Variants in HS1BP3 observed in about 807,000 individuals in gnomAD.
HS1BP3 encodes HCLS1 binding protein 3, also known as HCLS1-binding protein 3.
In HS1BP3, 32 loss-of-function variants were observed where a neutral mutation model predicts 33.5. That is an observed-to-expected ratio of 0.95 (90% CI 0.72 to 1.28). The LOEUF (loss-of-function observed/expected upper bound fraction) is 1.28. Ranked by LOEUF, HS1BP3 falls within the 50% of genes most tolerant of loss-of-function variation. The probability of loss-of-function intolerance (pLI) is 0.00; values close to 1 mark genes in which losing one functional copy is unlikely to be tolerated. For missense variants in HS1BP3, 486 were observed against 502.3 expected, an observed-to-expected ratio of 0.97 and a Z score of 0.31; for synonymous variants, 187 against 209.2, an observed-to-expected ratio of 0.89 and a Z score of 0.92.
chr2:20,604,915 C>A (rs1694142237), intron 2 of HS1BP3, among the ~76,000 whole-genome samples: 1 of 152,196 alleles, frequency 6.6e-6, no homozygotes, highest in South Asian at 2.1e-4. Context: ...TCCCTAAACA[C>A]CAGATTCTCT....
intron 3 of HS1BP3, among the ~76,000 whole-genome samples, chr2:20,639,381 G>C (rs556457671): frequency 3.3e-5 from 5 of 152,360 alleles, no homozygotes; most frequent in Admixed American, 3.3e-4. Context: ...ATTTGTGAAA[G>C]TATCCATCTG....
At chr2:20,575,893 T>C (rs1402810908) in intron 5 of HS1BP3, among the ~76,000 whole-genome samples, 2 of 152,196 alleles carry the variant, frequency 1.3e-5, no homozygotes, top group African/African-American at 4.8e-5. Flanking sequence ...TAGCTATTTA[T>C]AAAAATGAAT....
chr2:20,621,323 G>A (rs536441428), intron 6 of HS1BP3, among the ~76,000 whole-genome samples: 14 of 152,386 alleles, frequency 9.2e-5, no homozygotes, highest in South Asian at 6.2e-4. Context: ...CTCCTGTGAT[G>A]GGGCACAAAC....
chr2:20,640,209 A>T (rs981214390), intron 3 of HS1BP3: 1 of 152,320 alleles, frequency 6.6e-6, no homozygotes, highest in African/African-American at 2.4e-5. Context: ...TCCTGGGGGC[A>T]TCTGTGAGAC....
At chr2:20,575,394 C>G (rs2149273764) in intron 5 of HS1BP3, among the ~76,000 whole-genome samples, 1 of 152,342 alleles carries the variant, frequency 6.6e-6, no homozygotes, top group South Asian at 2.1e-4. Flanking sequence ...TATTTCAACC[C>G]ATCAGCTGAC....
intron 2 of HS1BP3, chr2:20,606,527 T>C (rs189191073): frequency 6.3e-6 from 3 of 475,428 alleles, no homozygotes; most frequent in Admixed American, 2.3e-5. Context: ...GTTATTGGGC[T>C]TGTCCCGAAC....
downstream of HS1BP3, among the ~76,000 whole-genome samples, chr2:20,559,908 C>T: frequency 6.6e-6 from 1 of 152,200 alleles, no homozygotes; most frequent in East Asian, 1.9e-4. Flanking sequence ...TGTGAATAAG[C>T]TCCTGAAAGG....
intron 2 of HS1BP3, among the ~76,000 whole-genome samples, chr2:20,641,981 G>A (rs1184398338): frequency 6.6e-6 from 1 of 152,222 alleles, no homozygotes; most frequent in Admixed American, 6.5e-5. Context: ...GTAACCATGT[G>A]GGTGCTCAGC....
chr2:20,576,066 G>T (rs1693392937), intron 5 of HS1BP3, among the ~76,000 whole-genome samples: 1 of 152,108 alleles, frequency 6.6e-6, no homozygotes, highest in South Asian at 2.1e-4. Flanking sequence ...GCAGCTCACT[G>T]CAACCTCAAT....
rs537949122 is a variant in HS1BP3, at chr2:20,607,695, C to T, written c.179-9430G>A. On this transcript the variant is annotated intron_variant, in intron 2 of 3. Coordinates refer to the HS1BP3 transcript ENST00000415264. ...AAATTGGGAAGTATAAGTCCTCCAACTTTGCTCTTCTTTTTGAAGATTGCT... is the reference window on the plus strand; with the variant it reads ...AAATTGGGAAGTATAAGTCCTCCAATTTTGCTCTTCTTTTTGAAGATTGCT... Among the ~76,000 whole-genome samples the T allele has an allele frequency of 3.2e-3, 495 of 152,344 alleles. 2 individuals carry two copies. The highest frequency in any genetic ancestry group is 0.019 in the South Asian group (91 of 4,830).
downstream of HS1BP3, among the ~76,000 whole-genome samples, chr2:20,589,526 G>A (rs908815617): frequency 3.3e-5 from 5 of 152,190 alleles, no homozygotes; most frequent in Middle Eastern, 3.2e-3. Context: ...CTGAAAAATC[G>A]ACTGAGGGAC....
At position 20,598,411 on chromosome 2, in the gene HS1BP3, C is replaced by T. The variant is rs146783713; in HGVS notation, c.179-146G>A. 1,145 of 195,830 alleles carry T rather than the reference C, an allele frequency of 5.8e-3. 5 individuals are homozygous for T. The highest frequency in any genetic ancestry group is 9.5e-3 in the Admixed American group (189 of 19,984). The allele number at this position is 195,830 out of a possible 1,614,324, so 12.1% of individuals were successfully genotyped here. ...GAATCTAATGCTGCCGCTGATCTGA[C>T]AGGAGGTGAAGCTCAGGCAGTAGTG... On this transcript the variant is annotated intron_variant, in intron 2 of 3. Transcript: ENST00000415264.
At chr2:20,563,055 C>T (rs1183934425) in intron 5 of HS1BP3, among the ~76,000 whole-genome samples, 1 of 152,206 alleles carries the variant, frequency 6.6e-6, no homozygotes, top group East Asian at 1.9e-4. Context: ...GCCCAGGAGG[C>T]TCCGACCTTC....
downstream of HS1BP3, among the ~76,000 whole-genome samples, chr2:20,592,222 G>A (rs138677791): frequency 2.3e-3 from 356 of 152,308 alleles, no homozygotes; most frequent in African/African-American, 7.0e-3. Flanking sequence ...CTTTTTGGGA[G>A]GCTGAGGCAC....
Position 20,619,127 on chromosome 2 carries a change from G to A in HS1BP3, c.1039C>T (p.Pro347Ser), listed in dbSNP as rs1056689766. The change falls in exon 7 of 7, where the codon CCC becomes TCC. Residue 347 changes from proline (P) to serine (S), a missense_variant. Coordinates refer to ENST00000304031, the MANE Select transcript of HS1BP3 (RefSeq NM_022460.4). ...GCTTCAGCCGGGCCCGCTTTGGGGG[G>A]AACAGCTGGTTTTCTGGGTATCACC... ...KPVIPRKPAV[P>S]PKAGPAEAVA... 5.6e-6 allele frequency: 9 copies of A among 1,614,044 alleles called. No homozygotes were observed. In the African/African-American group the frequency reaches 1.2e-4, roughly 22 times the overall value.
At chr2:20,631,206 T>A (rs1314289520) in intron 4 of HS1BP3, among the ~76,000 whole-genome samples, 2 of 152,026 alleles carry the variant, frequency 1.3e-5, no homozygotes, top group South Asian at 2.1e-4. Context: ...GACTTCACTC[T>A]GGGCCTTAAA....
chr2:20,648,331 T>C (rs1695580696), intron 1 of HS1BP3, among the ~76,000 whole-genome samples: 1 of 152,172 alleles, frequency 6.6e-6, no homozygotes, highest in African/African-American at 2.4e-5. Context: ...TCTTGAACCC[T>C]TTCCAGCCAG....
At chr2:20,613,316 G>A (rs1237598025), downstream of HS1BP3, among the ~76,000 whole-genome samples, 1 of 152,240 alleles carries the variant, frequency 6.6e-6, no homozygotes, top group African/African-American at 2.4e-5. Context: ...CAGCTCCCAT[G>A]CTCCGGAAGC....
At chr2:20,558,372 C>T (rs1279216075), downstream of HS1BP3, among the ~76,000 whole-genome samples, 1 of 152,202 alleles carries the variant, frequency 6.6e-6, no homozygotes, top group African/African-American at 2.4e-5. Flanking sequence ...CCTGTTTGGA[C>T]ACCTGGTACT....
Sources: allele counts gnomAD v4.1 joint callset (sites outside exome capture counted in the v4.1 genomes callset), GRCh38; gene constraint gnomAD v4.1.1; transcripts MANE v1.5; gene names NCBI Gene and HGNC (gene_info 2026-07-23, HGNC 2026-07-21).